The following ARHGAP26 variants were observed in gnomAD, a reference collection of about 807,000 sequenced individuals.
The protein encoded by ARHGAP26 is rho GTPase-activating protein 26.
In ARHGAP26, 38 loss-of-function variants were observed where a neutral mutation model predicts 104.8. The observed-to-expected ratio is 0.36, with a 90% CI of 0.28 to 0.48. The LOEUF (loss-of-function observed/expected upper bound fraction) is 0.48, where lower values mean the gene tolerates loss of function less well. Among genes scored for constraint, ARHGAP26 ranks in the 20% least tolerant of loss-of-function variants. The pLI, the probability that ARHGAP26 is intolerant of heterozygous loss-of-function variation, is 0.99. For missense variants in ARHGAP26, 704 were observed against 947.9 expected (o/e 0.74, Z 3.38); for synonymous variants, 341 against 340.0 (o/e 1.00, Z -0.03).
intron 17 of ARHGAP26, among the ~76,000 whole-genome samples, chr5:143,062,351 T>A (rs993901175): frequency 7.2e-5 from 11 of 152,220 alleles, no homozygotes; most frequent in South Asian, 2.1e-4. Context: ...ATGTTTATTT[T>A]GATCATCTGT....
chr5:143,073,914 G>A (rs1788624565), intron 17 of ARHGAP26, among the ~76,000 whole-genome samples: 1 of 152,222 alleles, frequency 6.6e-6, no homozygotes, highest in South Asian at 2.1e-4. Flanking sequence ...GGACTGGGTA[G>A]GACAGGACAG....
At position 143,107,299 on chromosome 5, in the gene ARHGAP26, G is replaced by C. The variant is rs527255589; in HGVS notation, c.1539-13689G>C. On this transcript the variant is annotated intron_variant, in intron 17 of 22. Coordinates refer to ENST00000645722, the MANE Select transcript of ARHGAP26 (RefSeq NM_001135608.3). ...GGCTGGATCGTATAGGCCACGATGAGGTGTTTAGATTTGCTCAAGGATCTG... is the reference window on the plus strand; with the variant it reads ...GGCTGGATCGTATAGGCCACGATGACGTGTTTAGATTTGCTCAAGGATCTG... Among the ~76,000 whole-genome samples the C allele has an allele frequency of 2.0e-5, 3 of 152,266 alleles. No homozygotes were observed. In the South Asian group the frequency reaches 6.2e-4, roughly 32 times the overall value.
intron 9 of ARHGAP26, among the ~76,000 whole-genome samples, chr5:142,908,537 G>C (rs1285146652): frequency 6.6e-6 from 1 of 152,170 alleles, no homozygotes; most frequent in Non-Finnish European, 1.5e-5. Flanking sequence ...GCAGCAAAAG[G>C]TTTTAGGAGT....
chr5:142,847,589 T>C (rs1175045115), intron 1 of ARHGAP26, among the ~76,000 whole-genome samples: 3 of 152,196 alleles, frequency 2.0e-5, no homozygotes, highest in African/African-American at 7.2e-5. Flanking sequence ...ACTCCGGACC[T>C]CAGGTGATCC....
At chr5:143,005,606 G>A (rs1361863367) in intron 11 of ARHGAP26, among the ~76,000 whole-genome samples, 2 of 152,198 alleles carry the variant, frequency 1.3e-5, no homozygotes, top group African/African-American at 4.8e-5. Context: ...GTATTCACGG[G>A]TGTCCAGAGC....
At chr5:143,057,995 A>T (rs1040097468) in intron 17 of ARHGAP26, 7 of 644,766 alleles carry the variant, frequency 1.1e-5, no homozygotes, top group African/African-American at 7.1e-5. Context: ...TTTCAGGGGG[A>T]TTTTACCTAT....
intron 12 of ARHGAP26, among the ~76,000 whole-genome samples, chr5:143,031,291 T>C (rs1421788273): frequency 6.6e-6 from 1 of 152,230 alleles, no homozygotes; most frequent in Non-Finnish European, 1.5e-5. Context: ...GGAGGTGATA[T>C]GCTCTGATTT....
Position 143,062,316 on chromosome 5 carries a change from G to A in ARHGAP26, c.1538+4569G>A, listed in dbSNP as rs1177447827. ...ATTGCCTCTTGCTGATTCCCTATGT[G>A]TTCTTTTCATTACCCAATTGTCTAA... On this transcript the variant is annotated intron_variant, in intron 17 of 22. Transcript: ENST00000645722. Among the ~76,000 whole-genome samples, 3 of 152,208 alleles carry A rather than the reference G, an allele frequency of 2.0e-5. No individual in the cohort carries two copies. The South Asian group carries it at 6.2e-4, about 32-fold the overall frequency.
chr5:142,862,281 T>C (rs1042009401), intron 1 of ARHGAP26, among the ~76,000 whole-genome samples: 1 of 152,194 alleles, frequency 6.6e-6, no homozygotes, highest in Non-Finnish European at 1.5e-5. Context: ...AGACAGTAAG[T>C]TGTAGAACTT....
At chr5:143,049,100 C>A (rs1398702615) in intron 14 of ARHGAP26, among the ~76,000 whole-genome samples, 1 of 152,018 alleles carries the variant, frequency 6.6e-6, no homozygotes, top group African/African-American at 2.4e-5. Flanking sequence ...TGTAATCATT[C>A]TTTTATACAT....
intron 1 of ARHGAP26, among the ~76,000 whole-genome samples, chr5:142,792,794 C>T (rs1760129472): frequency 6.6e-6 from 1 of 152,154 alleles, no homozygotes; most frequent in South Asian, 2.1e-4. Flanking sequence ...CTGTGTTTCC[C>T]TGATGTGCCC....
intron 1 of ARHGAP26, among the ~76,000 whole-genome samples, chr5:142,872,640 A>G (rs565714728): frequency 2.0e-5 from 3 of 152,338 alleles, no homozygotes; most frequent in South Asian, 2.1e-4. Flanking sequence ...AAAGTTTATG[A>G]TGATGACTTT....
At chr5:142,851,096 A>AT (rs570143559) in intron 1 of ARHGAP26, among the ~76,000 whole-genome samples, 7,437 of 143,358 alleles carry the variant, frequency 0.052, 187 homozygotes, top group South Asian at 0.098. Context: ...TGGAAAATAC[A>AT]TTTTTTTTTT....
chr5:143,040,476 T>C (rs1783297156), intron 13 of ARHGAP26, among the ~76,000 whole-genome samples: 1 of 152,228 alleles, frequency 6.6e-6, no homozygotes, highest in Admixed American at 6.5e-5. Flanking sequence ...TTTATTATCA[T>C]GTACCATATA....
At chr5:143,173,559 T>A (rs777745238) in intron 20 of ARHGAP26, among the ~76,000 whole-genome samples, 2 of 152,226 alleles carry the variant, frequency 1.3e-5, no homozygotes, top group African/African-American at 2.4e-5. Context: ...CGCTTCGCAA[T>A]TTACATAGGC....
intron 1 of ARHGAP26, chr5:142,772,819 T>A (rs1359291875): frequency 1.9e-6 from 1 of 533,508 alleles, no homozygotes; most frequent in Non-Finnish European, 3.8e-6. Flanking sequence ...TTTGGACTTG[T>A]GTTTTCTATT....
chr5:143,121,945 G>A (rs1466337287), intron 18 of ARHGAP26, among the ~76,000 whole-genome samples: 1 of 152,140 alleles, frequency 6.6e-6, no homozygotes, highest in Admixed American at 6.5e-5. Flanking sequence ...TAAAAACTTT[G>A]CCTAGAATGG....
At chr5:142,931,943 C>A in intron 10 of ARHGAP26, 104 bp from the exon 11 acceptor site, 1 of 1,079,556 alleles carries the variant, frequency 9.3e-7, no homozygotes, top group South Asian at 1.3e-5. Flanking sequence ...TGTTGTTAAC[C>A]TTAGCAGCCA....
rs189940862 is a variant in ARHGAP26 at position 142,859,222 on chromosome 5, C to T, written c.155-14178C>T. On this transcript the variant is annotated intron_variant, in intron 1 of 22. Transcript: ENST00000645722. ...GGAAGCGGGGAGGCCAATTAGGAGT[C>T]CAGGCCAGAGATGATGGTGGCATGG... 5.9e-5 allele frequency among the ~76,000 whole-genome samples: 9 copies of T among 152,206 alleles called. No individual in the cohort carries two copies. The East Asian group carries it at 1.5e-3, about 26-fold the overall frequency.
Sources: gnomAD v4.1 joint callset for allele counts (sites outside exome capture counted in the v4.1 genomes callset) on GRCh38, gnomAD v4.1.1 for gene constraint, MANE v1.5 for transcripts, NCBI Gene and HGNC (gene_info 2026-07-23, HGNC 2026-07-21) for gene names.